The following ZBBX variants were observed in gnomAD, a reference collection of about 807,000 sequenced individuals.
The protein encoded by ZBBX is zinc finger B-box domain containing.
A neutral mutation model predicts 108.5 loss-of-function variants in ZBBX; 101 were observed. The ratio of observed to expected loss-of-function variants is 0.93; its 90% CI spans 0.79 to 1.10. The LOEUF (loss-of-function observed/expected upper bound fraction) is 1.10. Ranked by LOEUF, ZBBX falls within the 50% of genes least tolerant of loss-of-function variation. The pLI, the probability that ZBBX is intolerant of heterozygous loss-of-function variation, is 0.00. For synonymous variants in ZBBX, 356 were observed against 323.4 expected, an observed-to-expected ratio of 1.10 and a Z score of -1.08; for missense variants, 1,009 against 941.4, an observed-to-expected ratio of 1.07 and a Z score of -0.94.
At chr3:167,247,194 G>T (rs903251160) in intron 20 of ZBBX, among the ~76,000 whole-genome samples, 1 of 152,188 alleles carries the variant, frequency 6.6e-6, no homozygotes, top group Non-Finnish European at 1.5e-5. Context: ...GTGGCCAGAT[G>T]TTGAGAGCAG....
chr3:167,204,364 T>C, the ZBBX span, among the ~76,000 whole-genome samples: 1 of 149,734 alleles, frequency 6.7e-6, no homozygotes, highest in Non-Finnish European at 1.5e-5. Flanking sequence ...TAGCATTAGG[T>C]ATATGTCCCA....
chr3:167,348,567 C>T (rs958901304), intron 9 of ZBBX, among the ~76,000 whole-genome samples: 1 of 151,790 alleles, frequency 6.6e-6, no homozygotes, highest in Non-Finnish European at 1.5e-5. Flanking sequence ...AAATGTGTAT[C>T]TATATATATG....
At chr3:167,358,600 A>C (rs1229611677) in intron 8 of ZBBX, among the ~76,000 whole-genome samples, 2 of 152,186 alleles carry the variant, frequency 1.3e-5, no homozygotes, top group Non-Finnish European at 2.9e-5. Flanking sequence ...GTCAGAAGTC[A>C]TAATTTTCTG....
At chr3:167,278,827 T>C (rs974900996) in intron 20 of ZBBX, among the ~76,000 whole-genome samples, 27 of 151,130 alleles carry the variant, frequency 1.8e-4, no homozygotes, top group Non-Finnish European at 2.8e-4. Context: ...ATATCCTTGA[T>C]GAACATTGAT....
At chr3:167,187,897 C>A in the ZBBX span, among the ~76,000 whole-genome samples, 3 of 152,070 alleles carry the variant, frequency 2.0e-5, no homozygotes, top group Non-Finnish European at 1.5e-5. Flanking sequence ...AGGAACTTAC[C>A]AGATAAAACA....
chr3:167,320,212 G>GA (rs983702559), intron 12 of ZBBX, among the ~76,000 whole-genome samples: 18 of 47,124 alleles, frequency 3.8e-4, no homozygotes, highest in Middle Eastern at 0.018. Flanking sequence ...TTGAGTTCCA[G>GA]AAAAAAAAGA....
chr3:167,402,993 A>G (rs1051909761), intron 1 of ZBBX, among the ~76,000 whole-genome samples: 2 of 152,184 alleles, frequency 1.3e-5, no homozygotes, highest in African/African-American at 2.4e-5. Flanking sequence ...GAACAGAAGG[A>G]TAGGAGAGGG....
intron 20 of ZBBX, among the ~76,000 whole-genome samples, chr3:167,256,947 T>A (rs1448272923): frequency 6.6e-6 from 1 of 152,176 alleles, no homozygotes; most frequent in African/African-American, 2.4e-5. Context: ...AATGCAGATA[T>A]CTCTTCAATA....
At chr3:167,275,314 C>A (rs1338925208) in intron 20 of ZBBX, among the ~76,000 whole-genome samples, 2 of 152,180 alleles carry the variant, frequency 1.3e-5, no homozygotes, top group Non-Finnish European at 2.9e-5. Context: ...GTCTACAGCT[C>A]CCAGCGTGAG....
intron 20 of ZBBX, among the ~76,000 whole-genome samples, chr3:167,276,405 T>G (rs1269442029): frequency 2.0e-5 from 3 of 152,160 alleles, no homozygotes; most frequent in Non-Finnish European, 4.4e-5. Context: ...AAGGAGCTGA[T>G]GGAGCTGAAA....
At position 167,359,873 on chromosome 3, in the gene ZBBX, T is replaced by C. The variant is rs778383298; in HGVS notation, c.429A>G (p.Leu143=). 8 of 1,484,766 alleles carry C rather than the reference T, an allele frequency of 5.4e-6. No individual in the cohort carries two copies. Among genetic ancestry groups the C allele is most frequent in the Non-Finnish European group, 7.4e-6 (8 of 1,086,438 alleles). The allele number at this position is 1,484,766 out of a possible 1,614,324, so 92.0% of individuals were successfully genotyped here. ...VCGQCENKAA[L]LVCLECGEDY... ...ATATACTATATAACGTACATACCAG[T>C]AGAGCAGCTTTGTTCTCACACTGTC... is the stretch of plus-strand genomic sequence containing the variant. Residue 143 remains leucine (L), a synonymous_variant, in exon 8 of 22, where the codon CTA becomes CTG. Transcript: ENST00000675490.
the ZBBX span, among the ~76,000 whole-genome samples, chr3:167,195,268 G>C: frequency 6.6e-6 from 1 of 152,152 alleles, no homozygotes; most frequent in African/African-American, 2.4e-5. Context: ...ACAATTCTCT[G>C]ATGGTTTTTT....
chr3:167,351,694 C>A lies in ZBBX; in HGVS notation c.433-1179G>T, dbSNP rs1227568359. On this transcript the variant is annotated intron_variant, in intron 8 of 21. Transcript: ENST00000675490. ...GTGAAGTCCCATAGGCTTCCAAGTG[C>A]TGAGCAGCTGCACTAAGGTGCCATT... Among the ~76,000 whole-genome samples the A allele has an allele frequency of 2.0e-5, 3 of 152,164 alleles. No homozygotes were observed. In the East Asian group the frequency reaches 5.8e-4, roughly 29 times the overall value.
At chr3:167,303,537 T>G (rs1207434922) in intron 17 of ZBBX, among the ~76,000 whole-genome samples, 1 of 152,190 alleles carries the variant, frequency 6.6e-6, no homozygotes, top group Admixed American at 6.5e-5. Flanking sequence ...TTTCTTCCTT[T>G]TTTAAGTATA....
chr3:167,191,926 T>TAGAGAGAGAGAG, the ZBBX span, among the ~76,000 whole-genome samples: 10 of 127,414 alleles, frequency 7.8e-5, no homozygotes, highest in African/African-American at 3.3e-4. Flanking sequence ...TATATATATA[T>TAGAGAGAGAGAG]ATATATATAG....
the ZBBX span, among the ~76,000 whole-genome samples, chr3:167,212,539 ACCCACATACT>A: frequency 6.6e-6 from 1 of 152,138 alleles, no homozygotes; most frequent in African/African-American, 2.4e-5. Flanking sequence ...CTCCCATGGG[ACCCACATACT>A]CCCACAGCTT....
chr3:167,348,371 A>AGAAAGAAAG (rs1409963332), intron 9 of ZBBX, among the ~76,000 whole-genome samples: 1 of 140,304 alleles, frequency 7.1e-6, no homozygotes. Context: ...AAAGAAAGAA[A>AGAAAGAAAG]AAAAAGAAAA....
chr3:167,368,365 C>T (rs1745655182), intron 5 of ZBBX, 96 bp downstream of exon 5: 1 of 892,800 alleles, frequency 1.1e-6, no homozygotes, highest in African/African-American at 1.8e-5. Context: ...AATTATCCAT[C>T]CATTAAATGT....
chr3:167,213,633 T>C, the ZBBX span, among the ~76,000 whole-genome samples: 2 of 152,290 alleles, frequency 1.3e-5, no homozygotes, highest in Admixed American at 6.5e-5. Flanking sequence ...CAGGATATCA[T>C]CCATGAAAAC....
Sources: allele counts gnomAD v4.1 joint callset (sites outside exome capture counted in the v4.1 genomes callset), GRCh38; gene constraint gnomAD v4.1.1; transcripts MANE v1.5; gene names NCBI Gene and HGNC (gene_info 2026-07-23, HGNC 2026-07-21).